SHISA9: variants seen among roughly 807,000 people sequenced by gnomAD.
SHISA9 encodes the protein protein shisa-9.
In SHISA9, 13 loss-of-function variants were observed where a neutral mutation model predicts 38.0. The ratio of observed to expected loss-of-function variants is 0.34; its 90% CI spans 0.22 to 0.54. SHISA9 has a LOEUF of 0.54. Among genes scored for constraint, SHISA9 ranks in the 20% least tolerant of loss-of-function variants. SHISA9 has a pLI of 0.91. For missense variants in SHISA9, 538 were observed against 575.8 expected (o/e 0.93, Z 0.67); for synonymous variants, 275 against 242.0 (o/e 1.14, Z -1.27).
At chr16:13,292,602 A>T in the SHISA9 span, among the ~76,000 whole-genome samples, 1 of 152,100 alleles carries the variant, frequency 6.6e-6, no homozygotes, top group Non-Finnish European at 1.5e-5. Context: ...AAGTCCCTGA[A>T]ATCCAGTCCT....
the SHISA9 span, among the ~76,000 whole-genome samples, chr16:13,354,102 T>TG: frequency 2.0e-5 from 3 of 149,322 alleles, no homozygotes; most frequent in Non-Finnish European, 1.5e-5. Flanking sequence ...CAGTCCTGGG[T>TG]GGGGCAAATC....
At position 13,033,712 on chromosome 16, in the gene SHISA9, G is replaced by A. The variant is rs944921734; in HGVS notation, c.691+116897G>A. Among the ~76,000 whole-genome samples, 13 of 152,166 alleles carry A rather than the reference G, an allele frequency of 8.5e-5. 1 individual carries two copies. Among genetic ancestry groups the A allele is most frequent in the African/African-American group, 3.1e-4 (13 of 41,442 alleles). ...TGGGAGACCAATAGGAATGGTTGTT[G>A]TGAGTTGGCCACACTACCCAGTAGA... On this transcript the variant is annotated intron_variant, in intron 2 of 4. Transcript: ENST00000558583.
intron 1 of SHISA9, among the ~76,000 whole-genome samples, chr16:12,908,113 GAGCTC>G (rs2141709442): frequency 1.4e-5 from 1 of 72,768 alleles, no homozygotes; most frequent in South Asian, 5.4e-4. Flanking sequence ...GGAAAACAAT[GAGCTC>G]AGGACCTGTC....
intron 2 of SHISA9, among the ~76,000 whole-genome samples, chr16:13,178,879 C>T (rs2050754561): frequency 6.6e-6 from 1 of 151,738 alleles, no homozygotes; most frequent in Non-Finnish European, 1.5e-5. Flanking sequence ...TTTTTTCTGC[C>T]CTATTTAGTA....
chr16:13,494,010 A>T, the SHISA9 span, among the ~76,000 whole-genome samples: 1 of 152,164 alleles, frequency 6.6e-6, no homozygotes, highest in African/African-American at 2.4e-5. Flanking sequence ...ATGGTGGAGG[A>T]TGCAACAAAA....
intron 4 of SHISA9, among the ~76,000 whole-genome samples, chr16:13,219,203 C>G (rs1367976716): frequency 6.6e-6 from 1 of 152,202 alleles, no homozygotes; most frequent in Non-Finnish European, 1.5e-5. Flanking sequence ...AAACATTTGA[C>G]TAGTTTGGCC....
chr16:13,531,218 T>TC, the SHISA9 span, among the ~76,000 whole-genome samples: 1 of 152,100 alleles, frequency 6.6e-6, no homozygotes, highest in Admixed American at 6.5e-5. Context: ...GAGAGTTAAT[T>TC]AAGTTACCAC....
chr16:13,061,382 TC>T (rs1245950053), intron 2 of SHISA9, among the ~76,000 whole-genome samples: 1 of 152,220 alleles, frequency 6.6e-6, no homozygotes, highest in East Asian at 1.9e-4. Flanking sequence ...AGTTATATAA[TC>T]CTTTTTTTGG....
At chr16:13,448,573 G>A in the SHISA9 span, among the ~76,000 whole-genome samples, 31 of 152,210 alleles carry the variant, frequency 2.0e-4, no homozygotes, top group Admixed American at 1.9e-3. Flanking sequence ...CTGTGGCCCT[G>A]CCCCAAGGCA....
At chr16:13,075,141 G>T (rs1596630596) in intron 2 of SHISA9, among the ~76,000 whole-genome samples, 1 of 152,208 alleles carries the variant, frequency 6.6e-6, no homozygotes, top group South Asian at 2.1e-4. Flanking sequence ...GATTAGCAGA[G>T]TCCACAGGCA....
chr16:13,436,695 C>A, the SHISA9 span, among the ~76,000 whole-genome samples: 1 of 152,144 alleles, frequency 6.6e-6, no homozygotes, highest in Non-Finnish European at 1.5e-5. Context: ...GATTGGGATC[C>A]ATTTCTGGTA....
At chr16:13,473,933 G>T in the SHISA9 span, among the ~76,000 whole-genome samples, 4 of 152,132 alleles carry the variant, frequency 2.6e-5, no homozygotes, top group Non-Finnish European at 2.9e-5. Context: ...TACATATTGT[G>T]TAATACCAGA....
At chr16:13,429,056 C>T in the SHISA9 span, among the ~76,000 whole-genome samples, 1 of 152,108 alleles carries the variant, frequency 6.6e-6, no homozygotes, top group African/African-American at 2.4e-5. Flanking sequence ...CGTGAGCCAC[C>T]AAACCCAGCT....
chr16:13,523,523 A>G, the SHISA9 span, among the ~76,000 whole-genome samples: 2 of 152,192 alleles, frequency 1.3e-5, no homozygotes, highest in East Asian at 3.9e-4. Context: ...GCATAGCAGC[A>G]TCTGCTTCTG....
the SHISA9 span, among the ~76,000 whole-genome samples, chr16:13,311,695 A>T: frequency 6.6e-6 from 1 of 152,106 alleles, no homozygotes; most frequent in Non-Finnish European, 1.5e-5. Flanking sequence ...ATAAATGGAG[A>T]TTGTTCTCGT....
At chr16:13,044,265 G>A (rs1166183880) in intron 2 of SHISA9, among the ~76,000 whole-genome samples, 1 of 152,176 alleles carries the variant, frequency 6.6e-6, no homozygotes, top group African/African-American at 2.4e-5. Flanking sequence ...ATACATGAAT[G>A]GCAAAAACTG....
intron 2 of SHISA9, among the ~76,000 whole-genome samples, chr16:13,025,648 G>A (rs924242211): frequency 1.4e-4 from 21 of 152,320 alleles, no homozygotes; most frequent in African/African-American, 5.1e-4. Context: ...CTTAATAGTA[G>A]AACATAATAG....
chr16:13,019,372 G>C (rs986600701), intron 2 of SHISA9, among the ~76,000 whole-genome samples: 2 of 152,126 alleles, frequency 1.3e-5, no homozygotes, highest in African/African-American at 2.4e-5. Flanking sequence ...ATTTTCTGGT[G>C]GGGGAAGCCT....
intron 2 of SHISA9, among the ~76,000 whole-genome samples, chr16:13,129,923 A>T (rs1342472209): frequency 6.6e-6 from 1 of 151,272 alleles, no homozygotes; most frequent in African/African-American, 2.4e-5. Flanking sequence ...ATCCCTCATC[A>T]CTCCACAGAG....
Sources: allele counts gnomAD v4.1 joint callset (sites outside exome capture counted in the v4.1 genomes callset), GRCh38; gene constraint gnomAD v4.1.1; transcripts MANE v1.5; gene names NCBI Gene and HGNC (gene_info 2026-07-23, HGNC 2026-07-21).